Variants in ARHGEF3 observed in about 807,000 individuals in gnomAD.
The protein encoded by ARHGEF3 is 59.8 kDA protein.
In ARHGEF3, 28 loss-of-function variants were observed where a neutral mutation model predicts 63.2. The observed-to-expected ratio is 0.44, with a 90% CI of 0.33 to 0.61. The LOEUF (loss-of-function observed/expected upper bound fraction) is 0.61. ARHGEF3 is among the 20% of genes least tolerant of loss of function. The probability of loss-of-function intolerance (pLI) is 0.03; values close to 1 mark genes in which losing one functional copy is unlikely to be tolerated. For missense variants in ARHGEF3, 533 were observed against 659.3 expected (o/e 0.81, Z 2.10); for synonymous variants, 266 against 254.2 (o/e 1.05, Z -0.44).
At chr3:56,991,534 T>A (rs1306448466) in intron 2 of ARHGEF3, among the ~76,000 whole-genome samples, 2 of 152,214 alleles carry the variant, frequency 1.3e-5, no homozygotes, top group African/African-American at 4.8e-5. Flanking sequence ...ATTGATAAAT[T>A]TGATAAATTG....
chr3:56,957,976 G>A (rs1700116831), intron 3 of ARHGEF3, among the ~76,000 whole-genome samples: 1 of 152,132 alleles, frequency 6.6e-6, no homozygotes, highest in Non-Finnish European at 1.5e-5. Context: ...GCATCAAGAA[G>A]TTCAATCTGA....
At chr3:57,032,451 T>C (rs1488647738) in intron 2 of ARHGEF3, among the ~76,000 whole-genome samples, 1 of 152,214 alleles carries the variant, frequency 6.6e-6, no homozygotes, top group East Asian at 1.9e-4. Flanking sequence ...TCAACAAATG[T>C]GGGTCTGTTT....
At chr3:57,006,114 G>T (rs1437686859) in intron 2 of ARHGEF3, among the ~76,000 whole-genome samples, 2 of 152,176 alleles carry the variant, frequency 1.3e-5, no homozygotes, top group Admixed American at 1.3e-4. Flanking sequence ...AATCAATGTT[G>T]AATGAATATT....
rs140024881 is a variant in ARHGEF3 at position 57,035,816 on chromosome 3, T to G, written c.-27-640A>C. ...GCTCTGCCCATGCAGATGATGACAA[T>G]GCACTTGGAATGACAAAGCAACAAG... is the stretch of plus-strand genomic sequence containing the variant. On this transcript the variant is annotated intron_variant, in intron 1 of 12. Coordinates refer to the ARHGEF3 transcript ENST00000338458. Among the ~76,000 whole-genome samples the G allele has an allele frequency of 2.7e-3, 410 of 152,314 alleles. 4 individuals carry two copies. Among genetic ancestry groups the G allele is most frequent in the African/African-American group, 9.4e-3 (389 of 41,570 alleles).
chr3:56,754,035 AT>A (rs2107767025), intron 3 of ARHGEF3, among the ~76,000 whole-genome samples: 1 of 152,304 alleles, frequency 6.6e-6, no homozygotes, highest in African/African-American at 2.4e-5. Context: ...TTTTATTTGT[AT>A]TATCCACTGC....
intron 3 of ARHGEF3, among the ~76,000 whole-genome samples, chr3:56,934,668 C>T (rs879544617): frequency 8.5e-5 from 13 of 152,240 alleles, no homozygotes; most frequent in Non-Finnish European, 1.3e-4. Flanking sequence ...CAGCGCTGCG[C>T]TCGATTTCTC....
intron 4 of ARHGEF3, among the ~76,000 whole-genome samples, chr3:56,860,358 T>G (rs1420452857): frequency 6.6e-6 from 1 of 151,996 alleles, no homozygotes; most frequent in African/African-American, 2.4e-5. Context: ...ATTTTATAAT[T>G]TTTTTGTAGA....
At chr3:57,042,687 TATATA>T (rs1704261224) in intron 1 of ARHGEF3, among the ~76,000 whole-genome samples, 5 of 24,806 alleles carry the variant, frequency 2.0e-4, no homozygotes, top group Admixed American at 4.9e-4. Flanking sequence ...TATATATATA[TATATA>T]TATATATATT....
At chr3:56,989,561 A>C (rs557859042) in intron 2 of ARHGEF3, among the ~76,000 whole-genome samples, 1 of 152,336 alleles carries the variant, frequency 6.6e-6, no homozygotes, top group South Asian at 2.1e-4. Context: ...GAGCAATCAC[A>C]GTGGCTGAGA....
intron 3 of ARHGEF3, chr3:56,916,486 G>T (rs1359653282): frequency 1.4e-6 from 2 of 1,386,108 alleles, no homozygotes; most frequent in Non-Finnish European, 1.9e-6. Flanking sequence ...GGAAGTGACA[G>T]GGGCCATCAG....
chr3:56,734,257 T>C (rs896344392), intron 8 of ARHGEF3, among the ~76,000 whole-genome samples: 3 of 152,126 alleles, frequency 2.0e-5, no homozygotes, highest in Non-Finnish European at 4.4e-5. Context: ...TATCCACAAC[T>C]TTGCAACTAG....
At chr3:56,845,958 T>C (rs1003040977) in intron 4 of ARHGEF3, among the ~76,000 whole-genome samples, 1 of 152,240 alleles carries the variant, frequency 6.6e-6, no homozygotes, top group Admixed American at 6.5e-5. Flanking sequence ...CTGTAGCAGC[T>C]GTCCCTAGAC....
intron 4 of ARHGEF3, among the ~76,000 whole-genome samples, chr3:56,859,589 G>A (rs1456426524): frequency 4.0e-5 from 6 of 150,852 alleles, no homozygotes; most frequent in Non-Finnish European, 5.9e-5. Context: ...GAGTGCAGTG[G>A]AGCAGAGATC....
chr3:56,820,099 T>C (rs1370825312), intron 4 of ARHGEF3, among the ~76,000 whole-genome samples: 1 of 152,220 alleles, frequency 6.6e-6, no homozygotes, highest in Non-Finnish European at 1.5e-5. Context: ...GGTGAGCCAC[T>C]GCACTCAGCC....
intron 2 of ARHGEF3, among the ~76,000 whole-genome samples, chr3:56,984,567 C>T (rs1485204065): frequency 7.1e-6 from 1 of 140,306 alleles, no homozygotes; most frequent in Non-Finnish European, 1.6e-5. Context: ...AATAAACTCA[C>T]AGGTTTAAAA....
intron 1 of ARHGEF3, among the ~76,000 whole-genome samples, chr3:57,044,702 G>A (rs561195700): frequency 6.6e-6 from 1 of 152,142 alleles, no homozygotes; most frequent in East Asian, 1.9e-4. Flanking sequence ...TTGGGGAGAA[G>A]GTTAGTCAGT....
At chr3:57,060,476 T>C (rs1194662629) in intron 1 of ARHGEF3, 5 of 150,486 alleles carry the variant, frequency 3.3e-5, no homozygotes, top group African/African-American at 7.3e-5. Context: ...ACCCCCACAG[T>C]AGGAGTCAGA....
At chr3:56,810,045 T>A (rs541270752) in intron 4 of ARHGEF3, among the ~76,000 whole-genome samples, 1 of 152,282 alleles carries the variant, frequency 6.6e-6, no homozygotes, top group South Asian at 2.1e-4. Flanking sequence ...TATTTAGTTA[T>A]TTATTCCCCT....
chr3:56,764,497 G>A (rs865902676), intron 2 of ARHGEF3, among the ~76,000 whole-genome samples: 3 of 152,074 alleles, frequency 2.0e-5, no homozygotes, highest in East Asian at 1.9e-4. Flanking sequence ...ATAAGCCTAC[G>A]GCAGGAGAGG....
Sources: allele counts gnomAD v4.1 joint callset (sites outside exome capture counted in the v4.1 genomes callset), GRCh38; gene constraint gnomAD v4.1.1; transcripts MANE v1.5; gene names NCBI Gene and HGNC (gene_info 2026-07-23, HGNC 2026-07-21).